The following TMC7 variants were observed in gnomAD, a reference collection of about 807,000 sequenced individuals.
TMC7 encodes the protein transmembrane channel like 7.
Under a neutral mutation model 82.9 loss-of-function variants are expected in TMC7, and 54 were observed. The observed-to-expected ratio is 0.65, with a 90% confidence interval of 0.52 to 0.82. The LOEUF is 0.82. Ranked by LOEUF, TMC7 falls within the 40% of genes least tolerant of loss-of-function variation. The pLI is 0.00. For synonymous variants in TMC7, 350 were observed against 337.9 expected, an observed-to-expected ratio of 1.04 and a Z score of -0.39; for missense variants, 820 against 901.2, an observed-to-expected ratio of 0.91 and a Z score of 1.15.
intron 9 of TMC7, among the ~76,000 whole-genome samples, chr16:19,044,607 T>A (rs1440105843): frequency 6.6e-6 from 1 of 151,714 alleles, no homozygotes. Flanking sequence ...CGAGACCACC[T>A]GGGCAATATG....
chr16:19,008,631 C>G (rs1318173001), intron 1 of TMC7, among the ~76,000 whole-genome samples: 2 of 152,176 alleles, frequency 1.3e-5, no homozygotes, highest in African/African-American at 4.8e-5. Context: ...TTGGTCCAAG[C>G]AGATCAGGAG....
chr16:18,999,937 G>T (rs1223463667), intron 1 of TMC7, among the ~76,000 whole-genome samples: 3 of 151,990 alleles, frequency 2.0e-5, no homozygotes, highest in East Asian at 3.9e-4. Context: ...CTAATTATTT[G>T]TATTTTTAGT....
intron 8 of TMC7, 35 bp downstream of exon 8, chr16:19,038,082 C>T (rs1450109105): frequency 1.3e-6 from 2 of 1,584,014 alleles, no homozygotes; most frequent in South Asian, 1.2e-5. Context: ...GACATTATGC[C>T]TAGTGCACTG....
intron 13 of TMC7, among the ~76,000 whole-genome samples, chr16:19,054,773 C>T (rs1434401154): frequency 9.0e-6 from 1 of 111,068 alleles, no homozygotes; most frequent in African/African-American, 3.5e-5. Context: ...GAGAGGGAGT[C>T]TCACTCTGTC....
At chr16:19,035,650 GA>G in intron 6 of TMC7, 25 bp from the exon 7 acceptor site, 1 of 1,614,060 alleles carries the variant, frequency 6.2e-7, no homozygotes, top group Non-Finnish European at 8.5e-7. Flanking sequence ...GTTTCTATAA[GA>G]AGGATGATTG....
intron 13 of TMC7, among the ~76,000 whole-genome samples, chr16:19,052,907 A>G (rs1416810058): frequency 3.9e-5 from 6 of 151,926 alleles, no homozygotes; most frequent in Admixed American, 3.3e-4. Context: ...GAGACAGGGT[A>G]TCGCCATGTT....
intron 1 of TMC7, among the ~76,000 whole-genome samples, chr16:19,002,253 T>A (rs1458239746): frequency 6.7e-6 from 1 of 148,992 alleles, no homozygotes; most frequent in Admixed American, 6.7e-5. Flanking sequence ...TTTTTTTTTT[T>A]AAGATGGAGT....
At chr16:19,055,009 A>T (rs1961707718) in intron 13 of TMC7, among the ~76,000 whole-genome samples, 1 of 152,018 alleles carries the variant, frequency 6.6e-6, no homozygotes, top group African/African-American at 2.4e-5. Flanking sequence ...CGGCCTCCCA[A>T]AGTGCTGGGA....
chr16:18,995,666 C>T (rs1416014579), intron 1 of TMC7, among the ~76,000 whole-genome samples: 1 of 152,160 alleles, frequency 6.6e-6, no homozygotes. Flanking sequence ...TTCTTGTGTG[C>T]TAGAGATGTG....
chr16:19,021,475 G>A (rs1261232882), intron 3 of TMC7, among the ~76,000 whole-genome samples, 154 bp from the exon 4 acceptor site: 1 of 152,170 alleles, frequency 6.6e-6, no homozygotes, highest in Admixed American at 6.6e-5. Context: ...CTAGAAGATC[G>A]AGTCTTAAAG....
chr16:19,009,809 C>T (rs4077849), intron 2 of TMC7, among the ~76,000 whole-genome samples: 45,450 of 150,996 alleles, frequency 0.3, 7,076 homozygotes, highest in Non-Finnish European at 0.33. Context: ...GGCATGGTGG[C>T]GGGTGCCTGT....
chr16:19,062,197 A>G lies in TMC7; in HGVS notation c.*354A>G, dbSNP rs1596807743. 1.4e-5 allele frequency: 3 copies of G among 211,926 alleles called. No individual in the cohort carries two copies. The East Asian group carries it at 3.2e-4, about 23-fold the overall frequency. The allele number at this position is 211,926 out of a possible 1,614,324, so 13.1% of individuals were successfully genotyped here. ...CACAAGTGTTTTGGGTTGTGGACTG[A>G]AGCTCAGCCTGTTAATCAGACCAGC... On this transcript the variant is annotated 3_prime_UTR_variant, in exon 16 of 16. Transcript: ENST00000304381.
At chr16:19,022,087 A>T (rs1033261461) in intron 4 of TMC7, among the ~76,000 whole-genome samples, 1 of 152,206 alleles carries the variant, frequency 6.6e-6, no homozygotes, top group African/African-American at 2.4e-5. Context: ...GCCCAAGCTG[A>T]TGGAGCAGCC....
intron 11 of TMC7, among the ~76,000 whole-genome samples, chr16:19,046,808 G>A (rs773783767): frequency 2.7e-5 from 4 of 149,978 alleles, no homozygotes; most frequent in Admixed American, 6.7e-5. Flanking sequence ...ACTCCATACT[G>A]AGTAACAGAG....
chr16:19,049,879 A>G (rs1961446704), intron 12 of TMC7, among the ~76,000 whole-genome samples: 1 of 152,196 alleles, frequency 6.6e-6, no homozygotes, highest in Non-Finnish European at 1.5e-5. Context: ...CATGCCTGTT[A>G]CCATTATATC....
intron 1 of TMC7, among the ~76,000 whole-genome samples, chr16:18,991,949 G>A (rs575422631): frequency 6.6e-6 from 1 of 152,272 alleles, no homozygotes; most frequent in South Asian, 2.1e-4. Flanking sequence ...TGGCTGCATA[G>A]TATTCCATGG....
At chr16:19,003,446 G>A (rs2039177535) in intron 1 of TMC7, among the ~76,000 whole-genome samples, 1 of 148,838 alleles carries the variant, frequency 6.7e-6, no homozygotes, top group African/African-American at 2.5e-5. Context: ...CGCCCCGTCC[G>A]GGAGGTGAGG....
chr16:19,057,937 C>A (rs1252361883), intron 14 of TMC7, among the ~76,000 whole-genome samples: 2 of 142,222 alleles, frequency 1.4e-5, no homozygotes, highest in African/African-American at 5.1e-5. Flanking sequence ...AAGACAGAAG[C>A]CAGCAGTTGA....
At chr16:19,010,999 C>G (rs767977677) in intron 2 of TMC7, among the ~76,000 whole-genome samples, 1 of 152,136 alleles carries the variant, frequency 6.6e-6, no homozygotes, top group African/African-American at 2.4e-5. Flanking sequence ...CAGATTCAAT[C>G]GGTGGGAAAA....
Sources: gnomAD v4.1 joint callset for allele counts (sites outside exome capture counted in the v4.1 genomes callset) on GRCh38, gnomAD v4.1.1 for gene constraint, MANE v1.5 for transcripts, NCBI Gene and HGNC (gene_info 2026-07-23, HGNC 2026-07-21) for gene names.